TSPEAR: variants seen among roughly 807,000 people sequenced by gnomAD.
TSPEAR encodes thrombospondin-type laminin G domain and EAR repeat-containing protein.
A neutral mutation model predicts 71.6 loss-of-function variants in TSPEAR; 69 were observed. That is an observed-to-expected ratio of 0.96 (90% CI 0.79 to 1.18). TSPEAR has a LOEUF of 1.18. TSPEAR is among the 50% of genes most tolerant of loss of function. TSPEAR has a pLI of 0.00. For synonymous variants in TSPEAR, 402 were observed against 387.2 expected (o/e 1.04, Z -0.45); for missense variants, 971 against 894.9 (o/e 1.09, Z -1.09).
intron 1 of TSPEAR, among the ~76,000 whole-genome samples, chr21:44,602,718 T>A (rs1555929165): frequency 6.6e-6 from 1 of 152,192 alleles, no homozygotes; most frequent in Non-Finnish European, 1.5e-5. Flanking sequence ...GGGCAGGGCA[T>A]CCCCAACATC....
At chr21:44,654,227 C>T in intron 1 of TSPEAR, 1 of 1,469,654 alleles carries the variant, frequency 6.8e-7, no homozygotes. Context: ...TTCAGAGAGC[C>T]TGCTGGCTTC....
At chr21:44,526,344 C>A (rs943998167) in intron 7 of TSPEAR, among the ~76,000 whole-genome samples, 3 of 152,194 alleles carry the variant, frequency 2.0e-5, no homozygotes, top group African/African-American at 7.2e-5. Context: ...GGACGATGTG[C>A]TTGGAGGCAA....
At chr21:44,577,763 T>A (rs1268453533) in intron 1 of TSPEAR, among the ~76,000 whole-genome samples, 2 of 152,238 alleles carry the variant, frequency 1.3e-5, no homozygotes, top group African/African-American at 2.4e-5. Context: ...CTAGTTTTTT[T>A]AAAGACAAAT....
intron 8 of TSPEAR, among the ~76,000 whole-genome samples, chr21:44,524,655 T>C (rs2052810234): frequency 6.6e-6 from 1 of 150,908 alleles, no homozygotes; most frequent in Admixed American, 6.6e-5. Context: ...GTTAGGTAGT[T>C]AGTCATCAGT....
intron 9 of TSPEAR, among the ~76,000 whole-genome samples, chr21:44,510,518 G>T (rs2052338512): frequency 6.6e-6 from 1 of 152,204 alleles, no homozygotes. Flanking sequence ...AGCAGGTCAG[G>T]CACCCTCCCT....
intron 1 of TSPEAR, among the ~76,000 whole-genome samples, chr21:44,709,724 G>T (rs565026418): frequency 6.6e-6 from 1 of 152,254 alleles, no homozygotes; most frequent in Non-Finnish European, 1.5e-5. Flanking sequence ...CCCAGCCAGC[G>T]GGGCCCACGC....
chr21:44,584,689 G>A (rs2146109276), intron 1 of TSPEAR, among the ~76,000 whole-genome samples: 1 of 152,280 alleles, frequency 6.6e-6, no homozygotes, highest in South Asian at 2.1e-4. Context: ...GAATCCAGAA[G>A]ATCTCTGTCT....
At chr21:44,539,799 A>G (rs1377310659) in intron 2 of TSPEAR, 3 of 1,611,508 alleles carry the variant, frequency 1.9e-6, no homozygotes, top group Non-Finnish European at 1.7e-6. Context: ...CATGAAGAGG[A>G]ATCCTTAGAG....
chr21:44,510,253 C>T (rs762713111), intron 9 of TSPEAR, among the ~76,000 whole-genome samples: 12 of 152,272 alleles, frequency 7.9e-5, no homozygotes, highest in East Asian at 3.9e-4. Flanking sequence ...CCCCACAGGC[C>T]GGGGATCCCT....
chr21:44,590,920 A>AC (rs1555926408), intron 1 of TSPEAR, among the ~76,000 whole-genome samples: 1 of 152,042 alleles, frequency 6.6e-6, no homozygotes, highest in African/African-American at 2.4e-5. Context: ...AGAGGCCAGC[A>AC]CCAGAAGGCA....
At chr21:44,682,060 C>G in intron 1 of TSPEAR, 1 of 1,614,014 alleles carries the variant, frequency 6.2e-7, no homozygotes, top group Non-Finnish European at 8.5e-7. Context: ...TAACAGGATG[C>G]CTGGCAGGGG....
At chr21:44,688,980 C>T (rs1363690377) in intron 1 of TSPEAR, among the ~76,000 whole-genome samples, 7 of 152,090 alleles carry the variant, frequency 4.6e-5, no homozygotes, top group Non-Finnish European at 2.9e-5. Flanking sequence ...GTGAGGCTGG[C>T]GATGGATGGA....
At chr21:44,513,368 CCCT>C (rs1555912967) in intron 9 of TSPEAR, among the ~76,000 whole-genome samples, 1 of 152,182 alleles carries the variant, frequency 6.6e-6, no homozygotes, top group African/African-American at 2.4e-5. Context: ...TGTGGGACCC[CCCT>C]GTCAGGCCAC....
intron 1 of TSPEAR, chr21:44,628,195 C>G: frequency 1.0e-6 from 1 of 987,040 alleles, no homozygotes; most frequent in Non-Finnish European, 1.5e-6. Context: ...CTCAGATGCT[C>G]ACTGGCTCCT....
chr21:44,514,155 G>C (rs2052482536), intron 9 of TSPEAR, among the ~76,000 whole-genome samples: 1 of 152,182 alleles, frequency 6.6e-6, no homozygotes, highest in African/African-American at 2.4e-5. Context: ...CCTTCAGGCT[G>C]TCCTGGGCAG....
At chr21:44,641,855 C>G (rs587701309) in intron 1 of TSPEAR, among the ~76,000 whole-genome samples, 1 of 152,286 alleles carries the variant, frequency 6.6e-6, no homozygotes, top group African/African-American at 2.4e-5. Flanking sequence ...AGCGGGAAGG[C>G]TGTTCTTAAA....
chr21:44,657,870 T>C, intron 1 of TSPEAR: 1 of 988,516 alleles, frequency 1.0e-6, no homozygotes, highest in Non-Finnish European at 1.5e-6. Context: ...AGACAACAGT[T>C]GTGTTTTTGT....
Position 44,521,933 on chromosome 21 carries a change from G to A in TSPEAR, c.1516C>T (p.His506Tyr), listed in dbSNP as rs782415357. ...FNGTSTKVHS[H>Y]LYIRLLGSFQ... is the part of the protein sequence containing the mutation. ...GAGCCCAGGAGTCGGATGTAGAGGT[G>A]CGAGTGCACCTTGGTGGAGGTGCCG... Residue 506 changes from histidine (H) to tyrosine (Y), a missense_variant, in exon 9 of 12, where the codon CAC (histidine) becomes TAC (tyrosine). Transcript: ENST00000323084. 5.6e-6 allele frequency: 9 copies of A among 1,614,098 alleles called. No homozygotes were observed. The highest frequency in any genetic ancestry group is 3.3e-5 in the Admixed American group (2 of 60,032).
chr21:44,580,111 A>G, intron 1 of TSPEAR: 1 of 1,606,650 alleles, frequency 6.2e-7, no homozygotes, highest in South Asian at 1.1e-5. Flanking sequence ...GCTGGCAGCT[A>G]GAATGCTGGC....
Sources: gnomAD v4.1 joint callset for allele counts (sites outside exome capture counted in the v4.1 genomes callset) on GRCh38, gnomAD v4.1.1 for gene constraint, MANE v1.5 for transcripts, NCBI Gene and HGNC (gene_info 2026-07-23, HGNC 2026-07-21) for gene names.